Variants in ERC1 observed in about 807,000 individuals in gnomAD.
The protein encoded by ERC1 is ELKS/RAB6-interacting/CAST family member 1.
A neutral mutation model predicts 132.0 loss-of-function variants in ERC1; 56 were observed. The ratio of observed to expected loss-of-function variants is 0.42; its 90% CI spans 0.34 to 0.53. The LOEUF (loss-of-function observed/expected upper bound fraction) is 0.53, where lower values mean the gene tolerates loss of function less well. Among genes scored for constraint, ERC1 ranks in the 20% least tolerant of loss-of-function variants. ERC1 has a pLI of 0.03. For synonymous variants in ERC1, 478 were observed against 476.1 expected, an observed-to-expected ratio of 1.00 and a Z score of -0.05; for missense variants, 1,202 against 1,349.9, an observed-to-expected ratio of 0.89 and a Z score of 1.72.
chr12:1,283,400 G>A lies in ERC1; in HGVS notation c.2620-6452G>A, dbSNP rs983924686. On this transcript the variant is annotated intron_variant, in intron 14 of 18. Coordinates refer to ENST00000360905, the MANE Select transcript of ERC1 (RefSeq NM_178040.4). ...CTTCTACTCATCGGTCTTTACCCTCGTTTCTCTGGCTGTACCCAATACTGT... is the reference window on the plus strand; with the variant it reads ...CTTCTACTCATCGGTCTTTACCCTCATTTCTCTGGCTGTACCCAATACTGT... Among the ~76,000 whole-genome samples the A allele has an allele frequency of 4.6e-5, 7 of 152,074 alleles. No individual in the cohort carries two copies. The South Asian group carries it at 8.3e-4, about 18-fold the overall frequency.
intron 17 of ERC1, among the ~76,000 whole-genome samples, chr12:1,414,277 G>A (rs563967665): frequency 4.0e-4 from 61 of 152,306 alleles, no homozygotes; most frequent in African/African-American, 1.3e-3. Context: ...GGATCCCAGC[G>A]TGGTCAGATG....
chr12:1,209,850 ATC>A (rs1184819808), intron 12 of ERC1, among the ~76,000 whole-genome samples: 1 of 152,200 alleles, frequency 6.6e-6, no homozygotes, highest in African/African-American at 2.4e-5. Flanking sequence ...ATTTAACAAT[ATC>A]TCTGTTGATT....
At chr12:1,408,544 G>T (rs920038040) in intron 17 of ERC1, among the ~76,000 whole-genome samples, 1 of 152,156 alleles carries the variant, frequency 6.6e-6, no homozygotes, top group Non-Finnish European at 1.5e-5. Context: ...ATTTTTAACT[G>T]TCTTTACTAA....
intron 13 of ERC1, among the ~76,000 whole-genome samples, chr12:1,245,568 A>G (rs539771532): frequency 1.8e-4 from 28 of 152,306 alleles, no homozygotes; most frequent in African/African-American, 6.0e-4. Flanking sequence ...GATAGTACCA[A>G]AAGTAATTCC....
intron 17 of ERC1, among the ~76,000 whole-genome samples, chr12:1,412,572 C>T (rs1196891231): frequency 1.3e-5 from 2 of 152,138 alleles, no homozygotes; most frequent in African/African-American, 4.8e-5. Context: ...ATTTCTTCAT[C>T]TTTAGGATGG....
At chr12:1,349,702 T>C (rs1196285986) in intron 15 of ERC1, among the ~76,000 whole-genome samples, 1 of 150,810 alleles carries the variant, frequency 6.6e-6, no homozygotes, top group Non-Finnish European at 1.5e-5. Flanking sequence ...TACCTTGGAA[T>C]GTGTTGGCCG....
At chr12:1,394,166 C>A (rs558454610) in intron 16 of ERC1, among the ~76,000 whole-genome samples, 6 of 151,636 alleles carry the variant, frequency 4.0e-5, no homozygotes, top group Non-Finnish European at 5.9e-5. Context: ...TTTGGGAGGC[C>A]AAGGCGGGCA....
At chr12:1,198,225 G>A (rs184622993) in intron 12 of ERC1, among the ~76,000 whole-genome samples, 1 of 152,312 alleles carries the variant, frequency 6.6e-6, no homozygotes, top group East Asian at 1.9e-4. Context: ...ACTGCAGCCA[G>A]CCCTGAAATT....
rs1469186096 is a variant in ERC1 at position 1,196,989 on chromosome 12, T to A, written c.2351+6937T>A. 3.4e-3 allele frequency among the ~76,000 whole-genome samples: 421 copies of A among 124,574 alleles called. 27 individuals are homozygous for A. Among genetic ancestry groups the A allele is most frequent in the African/African-American group, 0.011 (347 of 31,794 alleles). 81.7% of individuals were successfully genotyped at this position (124,574 alleles called of 152,430 possible). ...ATATATATATATATTTTTTTTTTTT[T>A]TTTTTTTTTAAGACAGATTTTCCCT... On this transcript the variant is annotated intron_variant, in intron 12 of 18. Transcript: ENST00000360905.
At chr12:1,485,846 C>CT (rs2094207049) in intron 18 of ERC1, among the ~76,000 whole-genome samples, 1 of 152,170 alleles carries the variant, frequency 6.6e-6, no homozygotes, top group Non-Finnish European at 1.5e-5. Flanking sequence ...GCTAAAAATA[C>CT]TTTTCTGTCT....
intron 3 of ERC1, among the ~76,000 whole-genome samples, chr12:1,094,515 A>G (rs1943759446): frequency 6.7e-6 from 1 of 150,286 alleles, no homozygotes; most frequent in South Asian, 2.1e-4. Flanking sequence ...GGTTCAAGTG[A>G]TTCTCCTGCC....
intron 3 of ERC1, among the ~76,000 whole-genome samples, chr12:1,091,201 T>C (rs35252842): frequency 0.19 from 28,805 of 152,114 alleles, 3,473 homozygotes; most frequent in Non-Finnish European, 0.25. Flanking sequence ...ATTTTTATTA[T>C]TTATAGATTC....
At chr12:1,004,633 C>T (rs1284080661) in intron 1 of ERC1, among the ~76,000 whole-genome samples, 1 of 151,954 alleles carries the variant, frequency 6.6e-6, no homozygotes, top group Non-Finnish European at 1.5e-5. Flanking sequence ...TCTCAAACTC[C>T]TGACCTTGTG....
chr12:1,467,830 G>GCC (rs1389109223), intron 18 of ERC1, among the ~76,000 whole-genome samples: 1 of 152,166 alleles, frequency 6.6e-6, no homozygotes, highest in Non-Finnish European at 1.5e-5. Flanking sequence ...TTCTCATAAG[G>GCC]AGCACGCGGC....
At chr12:1,123,891 G>A (rs535289012) in intron 7 of ERC1, among the ~76,000 whole-genome samples, 1 of 152,222 alleles carries the variant, frequency 6.6e-6, no homozygotes, top group Non-Finnish European at 1.5e-5. Flanking sequence ...AGCTACTTGA[G>A]AGCCTGAGGC....
chr12:1,284,014 CTG>C (rs897559694), intron 14 of ERC1, among the ~76,000 whole-genome samples: 2 of 152,152 alleles, frequency 1.3e-5, no homozygotes, highest in Non-Finnish European at 2.9e-5. Context: ...TTCTATCTAA[CTG>C]TATTTTTGTA....
chr12:1,269,508 C>T (rs2077683201), intron 14 of ERC1, among the ~76,000 whole-genome samples: 3 of 152,060 alleles, frequency 2.0e-5, no homozygotes, highest in Non-Finnish European at 4.4e-5. Flanking sequence ...TAAGGCCATT[C>T]CATAAGAGGA....
intron 2 of ERC1, among the ~76,000 whole-genome samples, chr12:1,074,679 G>C (rs1346458184): frequency 6.6e-6 from 1 of 152,122 alleles, no homozygotes; most frequent in Admixed American, 6.5e-5. Context: ...TAAACCTGTT[G>C]TCCAAATTTT....
chr12:1,128,733 A>C (rs957608462), intron 7 of ERC1, among the ~76,000 whole-genome samples: 42 of 152,358 alleles, frequency 2.8e-4, no homozygotes, highest in African/African-American at 9.6e-4. Flanking sequence ...ATGCATAAAG[A>C]AATGATTTAA....
Sources: gnomAD v4.1 joint callset for allele counts (sites outside exome capture counted in the v4.1 genomes callset) on GRCh38, gnomAD v4.1.1 for gene constraint, MANE v1.5 for transcripts, NCBI Gene and HGNC (gene_info 2026-07-23, HGNC 2026-07-21) for gene names.